The following CLIC6 variants were observed in gnomAD, a reference collection of about 807,000 sequenced individuals.
CLIC6 encodes CLIC family member 6.
CLIC6 carries 39 observed loss-of-function variants against 49.2 expected under a neutral mutation model. The ratio of observed to expected loss-of-function variants is 0.79; its 90% CI spans 0.61 to 1.04. CLIC6 has a LOEUF of 1.04. CLIC6 is among the 50% of genes least tolerant of loss of function. The pLI, the probability that CLIC6 is intolerant of heterozygous loss-of-function variation, is 0.00. For missense variants in CLIC6, 988 were observed against 993.1 expected (o/e 0.99, Z 0.07); for synonymous variants, 446 against 433.4 (o/e 1.03, Z -0.36).
chr21:34,670,144 G>C lies in CLIC6; in HGVS notation c.756G>C (p.Ala252=). Residue 252 remains alanine (A), a synonymous_variant, in exon 1 of 6, where the codon GCG becomes GCC. Transcript: ENST00000349499. The part of the protein sequence containing the change: ...AEGRVGDSVE[A]GDPAGDGVEA... ...GCCGGGTGGGGGACAGCGTAGAGGC[G>C]GGGGACCCGGCGGGGGACGGCGTAG... 1 of 1,385,784 alleles carries C rather than the reference G, an allele frequency of 7.2e-7. No individual in the cohort carries two copies. Among genetic ancestry groups the C allele is most frequent in the Non-Finnish European group, 9.3e-7 (1 of 1,077,324 alleles). 85.8% of individuals were successfully genotyped at this position (1,385,784 alleles called of 1,614,324 possible). A position where few individuals can be genotyped will look rare whatever the true frequency, so the allele number is the denominator to read the frequency against.
chr21:34,674,329 T>A (rs1374160478), intron 1 of CLIC6, among the ~76,000 whole-genome samples: 1 of 152,198 alleles, frequency 6.6e-6, no homozygotes, highest in Non-Finnish European at 1.5e-5. Flanking sequence ...TGGGCTCAAG[T>A]GACCCTCCCA....
intron 1 of CLIC6, chr21:34,705,975 C>T (rs2056011628): frequency 4.6e-6 from 3 of 648,224 alleles, no homozygotes; most frequent in Non-Finnish European, 8.3e-6. Flanking sequence ...CTGAATCAAA[C>T]TCTGTATATT....
intron 1 of CLIC6, among the ~76,000 whole-genome samples, chr21:34,674,745 A>G (rs978197599): frequency 1.3e-5 from 2 of 152,252 alleles, no homozygotes. Context: ...TCTGCAATAT[A>G]TTTAGTAAGA....
rs1250548481 is a variant in CLIC6 at position 34,708,741 on chromosome 21, C to T, written c.1652C>T (p.Ala551Val). The T allele has an allele frequency of 1.2e-6, 2 of 1,614,052 alleles. No homozygotes were observed. The highest frequency in any genetic ancestry group is 2.2e-5 in the East Asian group (1 of 44,904). The change falls in exon 4 of 6, where the codon GCA becomes GTA. Residue 551 changes from alanine (A) to valine (V), a missense_variant. Transcript: ENST00000349499. ...ACCCAACATCCCGAATCTAATTCCG[C>T]AGGAAATGACGTGTTTGCCAAATTC... The part of the protein sequence containing the change: ...LGTQHPESNS[A>V]GNDVFAKFSA...
At chr21:34,715,926 A>AT in intron 5 of CLIC6, among the ~76,000 whole-genome samples, 1 of 152,254 alleles carries the variant, frequency 6.6e-6, no homozygotes, top group East Asian at 1.9e-4. Context: ...AGAGGGCACC[A>AT]TTTAAACAGC....
At chr21:34,680,347 G>A (rs970732934) in intron 1 of CLIC6, among the ~76,000 whole-genome samples, 3 of 152,194 alleles carry the variant, frequency 2.0e-5, no homozygotes, top group Non-Finnish European at 2.9e-5. Flanking sequence ...ACAGCAGGGG[G>A]TCCTGTGGCC....
intron 1 of CLIC6, among the ~76,000 whole-genome samples, chr21:34,681,128 C>T (rs118136616): frequency 0.015 from 2,213 of 152,332 alleles, 33 homozygotes; most frequent in Middle Eastern, 0.058. Flanking sequence ...ACTGACAGTT[C>T]CGCATGGCTG....
chr21:34,698,453 G>T (rs887218410), intron 1 of CLIC6, among the ~76,000 whole-genome samples: 1 of 151,472 alleles, frequency 6.6e-6, no homozygotes, highest in Non-Finnish European at 1.5e-5. Flanking sequence ...GAAGGAAAGG[G>T]ATGGAAGGAA....
intron 1 of CLIC6, among the ~76,000 whole-genome samples, chr21:34,701,308 C>CAAAAAAAA (rs763844976): frequency 4.0e-5 from 2 of 49,580 alleles, no homozygotes; most frequent in Admixed American, 2.5e-4. Context: ...GGCTCCGTCT[C>CAAAAAAAA]AAAAAAAAAA....
At chr21:34,672,218 A>C (rs1989580054) in intron 1 of CLIC6, among the ~76,000 whole-genome samples, 1 of 152,192 alleles carries the variant, frequency 6.6e-6, no homozygotes, top group Non-Finnish European at 1.5e-5. Context: ...TTTGTGTAAA[A>C]TTCTTCAGTT....
intron 1 of CLIC6, among the ~76,000 whole-genome samples, chr21:34,699,228 G>A (rs1317879184): frequency 6.6e-6 from 1 of 152,082 alleles, no homozygotes; most frequent in Non-Finnish European, 1.5e-5. Context: ...GGTAGTCAGT[G>A]AATGGTAGCT....
At chr21:34,705,008 C>T (rs544262938) in intron 1 of CLIC6, among the ~76,000 whole-genome samples, 1 of 152,184 alleles carries the variant, frequency 6.6e-6, no homozygotes, top group South Asian at 2.1e-4. Flanking sequence ...AGAGATTTGC[C>T]ACATACACAG....
intron 5 of CLIC6, among the ~76,000 whole-genome samples, chr21:34,710,097 A>AC (rs560422616): frequency 1.8e-4 from 27 of 151,096 alleles, no homozygotes; most frequent in South Asian, 4.2e-4. Flanking sequence ...ACATAGCGAG[A>AC]CCCCATCTAT....
intron 1 of CLIC6, among the ~76,000 whole-genome samples, chr21:34,694,197 T>G (rs1022672845): frequency 6.7e-6 from 1 of 149,206 alleles, no homozygotes; most frequent in Admixed American, 6.7e-5. Flanking sequence ...GCCAGGATGG[T>G]CTTCATCTCA....
intron 1 of CLIC6, among the ~76,000 whole-genome samples, chr21:34,699,204 C>G (rs1021365629): frequency 1.3e-5 from 2 of 152,078 alleles, no homozygotes; most frequent in Admixed American, 1.3e-4. Flanking sequence ...AGAACCTTAC[C>G]TGAAGTCAGA....
chr21:34,706,242 G>A (rs1014242153), intron 1 of CLIC6, among the ~76,000 whole-genome samples: 3 of 152,164 alleles, frequency 2.0e-5, no homozygotes, highest in Non-Finnish European at 4.4e-5. Context: ...GCCAGAGCAG[G>A]AGCAAGAGAG....
chr21:34,689,798 G>A (rs1179691782), intron 1 of CLIC6, among the ~76,000 whole-genome samples: 1 of 152,058 alleles, frequency 6.6e-6, no homozygotes, highest in Non-Finnish European at 1.5e-5. Flanking sequence ...CACTTTCTTA[G>A]GTTTGGCAGA....
Position 34,708,728 on chromosome 21 carries a change from G to T in CLIC6, c.1639G>T (p.Glu547Ter). The T allele has an allele frequency of 1.9e-6, 3 of 1,614,036 alleles. No homozygotes were observed. The highest frequency in any genetic ancestry group is 2.5e-6 in the Non-Finnish European group (3 of 1,179,964). ...RYPKLGTQHP[E>*]SNSAGNDVFA... ...TCCCAAGCTGGGGACCCAACATCCC[G>T]AATCTAATTCCGCAGGAAATGACGT... The change falls in exon 4 of 6, where the codon GAA becomes TAA. Residue 547 changes from glutamate (E) to a stop codon, truncating the protein, a stop_gained. Coordinates refer to ENST00000349499, the MANE Select transcript of CLIC6 (RefSeq NM_053277.3). LOFTEE classifies it high-confidence loss of function.
chr21:34,687,121 G>A (rs559618420), intron 1 of CLIC6, among the ~76,000 whole-genome samples: 5 of 152,212 alleles, frequency 3.3e-5, no homozygotes, highest in Admixed American at 6.5e-5. Context: ...TGAAATCTGA[G>A]TGGGTGAAAA....
Sources: gnomAD v4.1 joint callset for allele counts (sites outside exome capture counted in the v4.1 genomes callset) on GRCh38, gnomAD v4.1.1 for gene constraint, MANE v1.5 for transcripts, NCBI Gene and HGNC (gene_info 2026-07-23, HGNC 2026-07-21) for gene names.